The following PAICS variants were observed in gnomAD, a reference collection of about 807,000 sequenced individuals.
PAICS encodes the protein phosphoribosylaminoimidazole carboxylase and phosphoribosylaminoimidazolesuccinocarboxamide synthase.
In PAICS, 33 loss-of-function variants were observed where a neutral mutation model predicts 53.7. That is an observed-to-expected ratio of 0.61 (90% CI 0.47 to 0.82). The LOEUF (loss-of-function observed/expected upper bound fraction) is 0.82. Among genes scored for constraint, PAICS ranks in the 40% least tolerant of loss-of-function variants. PAICS has a pLI of 0.00. For missense variants in PAICS, 394 were observed against 494.1 expected, an observed-to-expected ratio of 0.80 and a Z score of 1.92; for synonymous variants, 141 against 167.2, an observed-to-expected ratio of 0.84 and a Z score of 1.21.
At chr4:56,452,508 T>C (rs1426949642) in intron 7 of PAICS, among the ~76,000 whole-genome samples, 1 of 152,152 alleles carries the variant, frequency 6.6e-6, no homozygotes, top group East Asian at 1.9e-4. Context: ...TCCAAAGAGC[T>C]TAAGGTATTC....
At chr4:56,420,963 G>T in the PAICS span, 2 of 152,124 alleles carry the variant, frequency 1.3e-5, no homozygotes, top group Non-Finnish European at 2.9e-5. Flanking sequence ...TAGACCAGGG[G>T]TCCCCAACAC....
At chr4:56,444,967 T>C (rs1006484312) in intron 2 of PAICS, among the ~76,000 whole-genome samples, 47 of 152,210 alleles carry the variant, frequency 3.1e-4, no homozygotes, top group African/African-American at 1.1e-3. Context: ...AAGTTGAGAA[T>C]TGATTGAAGT....
intron 2 of PAICS, 45 bp from the exon 3 acceptor site, chr4:56,446,650 C>T (rs746850249): frequency 8.3e-7 from 1 of 1,201,148 alleles, no homozygotes. Context: ...TACCTTTTTA[C>T]ATATCATTTC....
upstream of PAICS, chr4:56,435,226 T>C (rs547598547): frequency 5.3e-5 from 75 of 1,403,848 alleles, no homozygotes; most frequent in African/African-American, 9.8e-4. Context: ...CACAGGCAGG[T>C]ACTGGCTTAG....
chr4:56,435,582 A>G, upstream of PAICS: 1 of 1,577,140 alleles, frequency 6.3e-7, no homozygotes, highest in Non-Finnish European at 8.6e-7. Flanking sequence ...CGCTCGCGAC[A>G]GGCTCTTCCT....
chr4:56,418,366 C>T, the PAICS span, among the ~76,000 whole-genome samples: 1 of 152,130 alleles, frequency 6.6e-6, no homozygotes. Context: ...TTTGCCCAAG[C>T]TGGAGTGCAG....
chr4:56,420,504 C>A, the PAICS span: 1 of 152,140 alleles, frequency 6.6e-6, no homozygotes. Flanking sequence ...ATTTGACAAG[C>A]TAGCTGAATT....
At chr4:56,453,387 C>T (rs763370807) in intron 7 of PAICS, among the ~76,000 whole-genome samples, 9 of 150,506 alleles carry the variant, frequency 6.0e-5, no homozygotes, top group Admixed American at 1.3e-4. Flanking sequence ...AAACCGATTC[C>T]AGCTACTTTA....
the PAICS span, among the ~76,000 whole-genome samples, chr4:56,426,114 C>A: frequency 6.6e-6 from 1 of 152,096 alleles, no homozygotes; most frequent in African/African-American, 2.4e-5. Flanking sequence ...CAAAGAAATC[C>A]CGTATCTGCC....
intron 7 of PAICS, among the ~76,000 whole-genome samples, chr4:56,452,837 G>T (rs927080411): frequency 1.3e-5 from 2 of 152,016 alleles, no homozygotes; most frequent in East Asian, 3.9e-4. Flanking sequence ...TGGAGCCCTG[G>T]GTTTACAACC....
At chr4:56,430,445 C>T in the PAICS span, among the ~76,000 whole-genome samples, 1 of 152,048 alleles carries the variant, frequency 6.6e-6, no homozygotes, top group Non-Finnish European at 1.5e-5. Context: ...GGGCAGGGAC[C>T]ACATCTGCCC....
In PAICS at chr4:56,453,583, T is replaced by C; in HGVS notation, c.953-20T>C. On this transcript the variant is annotated intron_variant, in intron 7 of 8. Coordinates refer to ENST00000512576, the MANE Select transcript of PAICS (RefSeq NM_001079524.2). ...CTGTTTTGAATGTTTAGCATAATTA[T>C]ACTCTTGTCATTTCCCTAGGGGATG... The C allele has an allele frequency of 6.5e-7, 1 of 1,543,052 alleles. No individual in the cohort carries two copies. Among genetic ancestry groups the C allele is most frequent in the Non-Finnish European group, 8.8e-7 (1 of 1,130,400 alleles).
At chr4:56,446,609 TA>T in intron 2 of PAICS, 85 bp from the exon 3 acceptor site, 1 of 774,700 alleles carries the variant, frequency 1.3e-6, no homozygotes, top group South Asian at 1.9e-5. Flanking sequence ...TTGTTGCTTG[TA>T]AAGGGTAGAG....
intron 3 of PAICS, among the ~76,000 whole-genome samples, chr4:56,447,198 C>G (rs1018469131): frequency 6.6e-6 from 1 of 151,748 alleles, no homozygotes; most frequent in African/African-American, 2.4e-5. Flanking sequence ...GAAAACTATA[C>G]TAACAATGTC....
chr4:56,417,111 A>G, the PAICS span, among the ~76,000 whole-genome samples: 1 of 152,138 alleles, frequency 6.6e-6, no homozygotes, highest in Non-Finnish European at 1.5e-5. Context: ...GGCCTCCCAA[A>G]TTGCTGGGAT....
the PAICS span, chr4:56,420,689 T>C: frequency 6.6e-6 from 1 of 152,162 alleles, no homozygotes; most frequent in Admixed American, 6.6e-5. Context: ...TTCATACTAA[T>C]TGTGGTAAAA....
At chr4:56,444,648 C>T (rs7664841) in intron 2 of PAICS, among the ~76,000 whole-genome samples, 24,811 of 152,016 alleles carry the variant, frequency 0.16, 2,363 homozygotes, top group Admixed American at 0.32. Flanking sequence ...TCACCATGCA[C>T]AGTCATGGAA....
chr4:56,435,566 A>C, upstream of PAICS: 2 of 1,597,360 alleles, frequency 1.3e-6, no homozygotes, highest in Non-Finnish European at 1.7e-6. Flanking sequence ...CGAGCTCAGA[A>C]GCTCGCGCTC....
intron 7 of PAICS, 62 bp downstream of exon 7, chr4:56,452,114 C>A: frequency 9.7e-7 from 1 of 1,033,658 alleles, no homozygotes; most frequent in Non-Finnish European, 1.4e-6. Context: ...TAATTACACA[C>A]TTTAGACTAA....
Sources: allele counts gnomAD v4.1 joint callset (sites outside exome capture counted in the v4.1 genomes callset), GRCh38; gene constraint gnomAD v4.1.1; transcripts MANE v1.5; gene names NCBI Gene and HGNC (gene_info 2026-07-23, HGNC 2026-07-21).